MEIOB: variants seen among roughly 807,000 people sequenced by gnomAD.
MEIOB encodes the protein meiosis-specific with OB domain-containing protein.
In MEIOB, 50 loss-of-function variants were observed where a neutral mutation model predicts 53.1. The ratio of observed to expected loss-of-function variants is 0.94; its 90% CI spans 0.75 to 1.19. MEIOB has a LOEUF of 1.19. Among genes scored for constraint, MEIOB ranks in the 50% most tolerant of loss-of-function variants. MEIOB has a pLI of 0.00. For synonymous variants in MEIOB, 192 were observed against 182.5 expected, an observed-to-expected ratio of 1.05 and a Z score of -0.42; for missense variants, 551 against 550.8, an observed-to-expected ratio of 1.00 and a Z score of 0.00.
At chr16:1,845,584 T>G (rs1027995005) in intron 9 of MEIOB, among the ~76,000 whole-genome samples, 3 of 152,154 alleles carry the variant, frequency 2.0e-5, no homozygotes, top group African/African-American at 7.2e-5. Context: ...AATGATTCTC[T>G]CTAGACAGTG....
chr16:1,854,217 A>C lies in MEIOB; in HGVS notation c.529-17T>G. The C allele has an allele frequency of 2.9e-6, 4 of 1,397,772 alleles. No individual in the cohort carries two copies. Among genetic ancestry groups the C allele is most frequent in the Non-Finnish European group, 4.0e-6 (4 of 1,010,786 alleles). The allele number at this position is 1,397,772 out of a possible 1,614,324, so 86.6% of individuals were successfully genotyped here. ...CTCTCCAACCTTAGAAATGGAAATA[A>C]ATCATTACTCTTCACCTATATGTAG... On this transcript the variant is annotated splice_polypyrimidine_tract_variant and intron_variant, in intron 6 of 13. Transcript: ENST00000325962.
chr16:1,863,907 C>G (rs772199303), intron 3 of MEIOB, among the ~76,000 whole-genome samples: 1 of 152,084 alleles, frequency 6.6e-6, no homozygotes, highest in African/African-American at 2.4e-5. Flanking sequence ...TGCCTATAAT[C>G]CCGGCACCTT....
At chr16:1,836,979 C>T (rs554320785) in intron 13 of MEIOB, among the ~76,000 whole-genome samples, 4 of 152,212 alleles carry the variant, frequency 2.6e-5, no homozygotes, top group South Asian at 4.1e-4. Flanking sequence ...AGTGAAGCAA[C>T]TAGGCTGGCT....
chr16:1,837,759 A>C (rs1405508540), intron 13 of MEIOB, 25 bp downstream of exon 13: 2 of 1,141,922 alleles, frequency 1.8e-6, no homozygotes. Flanking sequence ...ATATAGAATA[A>C]TATGGGACTA....
intron 3 of MEIOB, among the ~76,000 whole-genome samples, chr16:1,865,472 TATACACACACGTGTACACAC>T (rs56300636): frequency 0.82 from 121,334 of 148,122 alleles, 49,749 homozygotes; most frequent in Middle Eastern, 0.89. Flanking sequence ...AATATACATA[TATACACACACGTGTACACAC>T]ATACACACAC....
At chr16:1,857,995 TC>T in intron 5 of MEIOB, 65 bp from the exon 6 acceptor site, 1 of 1,061,934 alleles carries the variant, frequency 9.4e-7, no homozygotes, top group Non-Finnish European at 1.4e-6. Context: ...TATTTCCAGG[TC>T]CACATTTAAA....
At chr16:1,836,950 A>G (rs1397053109) in intron 13 of MEIOB, among the ~76,000 whole-genome samples, 1 of 152,174 alleles carries the variant, frequency 6.6e-6, no homozygotes, top group African/African-American at 2.4e-5. Flanking sequence ...ATACAAGAGA[A>G]AAGAGTTGAG....
At chr16:1,865,985 A>T (rs897445017) in intron 2 of MEIOB, 150 bp from the exon 3 acceptor site, 14 of 597,768 alleles carry the variant, frequency 2.3e-5, no homozygotes, top group Non-Finnish European at 3.8e-5. Context: ...AAACATCTAA[A>T]AGAAGTTCAT....
At chr16:1,856,872 T>G (rs1348686419) in intron 6 of MEIOB, among the ~76,000 whole-genome samples, 2 of 146,846 alleles carry the variant, frequency 1.4e-5, no homozygotes, top group Non-Finnish European at 3.0e-5. Context: ...CAGGTGATCC[T>G]CCCACTTCAG....
intron 9 of MEIOB, among the ~76,000 whole-genome samples, chr16:1,852,577 C>T (rs2492884): frequency 0.83 from 124,703 of 150,468 alleles, 51,683 homozygotes; most frequent in Middle Eastern, 0.9. Flanking sequence ...TTTTTTAAGA[C>T]GGGGTCTTGC....
chr16:1,871,211 C>G (rs531658688), intron 1 of MEIOB, among the ~76,000 whole-genome samples: 30 of 84,532 alleles, frequency 3.5e-4, no homozygotes, highest in African/African-American at 1.2e-3. Flanking sequence ...CTCTTTTACC[C>G]TACAATTTTG....
At chr16:1,850,846 G>A (rs1742418) in intron 9 of MEIOB, among the ~76,000 whole-genome samples, 125,034 of 151,058 alleles carry the variant, frequency 0.83, 51,812 homozygotes, top group Middle Eastern at 0.9. Flanking sequence ...GCGTGAACCC[G>A]GGAGGCGGAG....
chr16:1,834,245 G>C lies in MEIOB; in HGVS notation c.*11C>G. On this transcript the variant is annotated 3_prime_UTR_variant, in exon 14 of 14. Transcript: ENST00000325962. ...CTTATACTTTTCCAGAGTTCAAAAT[G>C]ATAGACCGTTTTAAACATGTTTTTG... The C allele has an allele frequency of 1.4e-6, 2 of 1,475,586 alleles. No individual in the cohort carries two copies. Among genetic ancestry groups the C allele is most frequent in the Non-Finnish European group, 1.9e-6 (2 of 1,059,086 alleles). The allele number at this position is 1,475,586 out of a possible 1,614,324, so 91.4% of individuals were successfully genotyped here.
intron 3 of MEIOB, among the ~76,000 whole-genome samples, chr16:1,863,752 AT>A (rs147632179): frequency 0.15 from 22,537 of 152,038 alleles, 1,740 homozygotes; most frequent in East Asian, 0.26. Context: ...AATTTTAAAA[AT>A]AATTAAAATA....
At position 1,864,629 on chromosome 16, in the gene MEIOB, C is replaced by T. The variant is rs969283546; in HGVS notation, c.127+1149G>A. Among the ~76,000 whole-genome samples the T allele has an allele frequency of 4.0e-5, 6 of 151,724 alleles. No homozygotes were observed. The East Asian group carries it at 1.2e-3, about 29-fold the overall frequency. On this transcript the variant is annotated intron_variant, in intron 3 of 13. Transcript: ENST00000325962. ...TCAGCCTCCCGAGTAGCTGGGAATACAAGCGCCTGCCACCATGCCTGACTA... is the reference window on the plus strand; with the variant it reads ...TCAGCCTCCCGAGTAGCTGGGAATATAAGCGCCTGCCACCATGCCTGACTA...
intron 1 of MEIOB, among the ~76,000 whole-genome samples, chr16:1,868,620 C>A (rs879794948): frequency 2.0e-5 from 3 of 152,062 alleles, no homozygotes; most frequent in Admixed American, 2.0e-4. Context: ...CTTTTGGAGG[C>A]CGAGGAGGGC....
chr16:1,848,529 CT>C (rs1304740396), intron 9 of MEIOB, among the ~76,000 whole-genome samples: 345 of 136,730 alleles, frequency 2.5e-3, no homozygotes, highest in African/African-American at 5.3e-3. Flanking sequence ...ATCCCTTCTC[CT>C]TTTTTTTTTT....
intron 13 of MEIOB, among the ~76,000 whole-genome samples, chr16:1,834,943 C>G (rs911184110): frequency 4.2e-5 from 4 of 95,664 alleles, no homozygotes; most frequent in African/African-American, 7.7e-5. Flanking sequence ...CCCCCCCACC[C>G]CCCCCCACTA....
intron 9 of MEIOB, among the ~76,000 whole-genome samples, chr16:1,851,513 T>C (rs928669723): frequency 9.9e-5 from 15 of 152,284 alleles, no homozygotes; most frequent in African/African-American, 3.6e-4. Flanking sequence ...TATTTATCCA[T>C]TTTGTCGTTG....
Sources: allele counts gnomAD v4.1 joint callset (sites outside exome capture counted in the v4.1 genomes callset), GRCh38; gene constraint gnomAD v4.1.1; transcripts MANE v1.5; gene names NCBI Gene and HGNC (gene_info 2026-07-23, HGNC 2026-07-21).